Variants in CDKL5 observed in about 807,000 individuals in gnomAD.
CDKL5 encodes the protein cyclin-dependent kinase-like 5.
A neutral mutation model predicts 61.7 loss-of-function variants in CDKL5; 8 were observed. That is an observed-to-expected ratio of 0.13 (90% CI 0.08 to 0.23). CDKL5 has a LOEUF of 0.23. Among genes scored for constraint, CDKL5 ranks in the 10% least tolerant of loss-of-function variants. CDKL5 has a pLI of 1.00. For synonymous variants in CDKL5, 275 were observed against 272.3 expected (o/e 1.01, Z -0.10); for missense variants, 440 against 734.5 (o/e 0.60, Z 4.63).
rs967408113 is a variant in CDKL5, at chrX:18,621,397, T to G, written c.2376+1431T>G. Reference sequence around the variant, plus strand: ...TAAATTTATGTATTTCCTTATAAAATAAATATGAGTTCATTATAGAAAATT... The same window carrying G: ...TAAATTTATGTATTTCCTTATAAAAGAAATATGAGTTCATTATAGAAAATT... On this transcript the variant is annotated intron_variant, in intron 16 of 17. Coordinates refer to ENST00000623535, the MANE Select transcript of CDKL5 (RefSeq NM_001323289.2). Among the ~76,000 whole-genome samples the G allele has an allele frequency of 5.4e-5, 6 of 112,083 alleles. No homozygotes were observed. The East Asian group carries it at 1.7e-3, about 31-fold the overall frequency.
intron 21 of CDKL5, chrX:18,653,353 G>C: frequency 1.7e-6 from 2 of 1,176,283 alleles, no homozygotes; most frequent in South Asian, 1.9e-5. Flanking sequence ...TCCGTGGGGG[G>C]CCCGGGCATT....
At chrX:18,505,727 T>C (rs1922555460) in intron 1 of CDKL5, among the ~76,000 whole-genome samples, 1 of 112,580 alleles carries the variant, frequency 8.9e-6, no homozygotes, top group South Asian at 3.7e-4. Context: ...TGTCCCCTTA[T>C]TGATGACGTT....
chrX:18,437,171 A>G (rs1325484608), intron 1 of CDKL5, among the ~76,000 whole-genome samples: 1 of 111,636 alleles, frequency 9.0e-6, no homozygotes, highest in Non-Finnish European at 1.9e-5. Flanking sequence ...TAATCTCTGC[A>G]AAGTAAAATA....
At chrX:18,480,386 A>G (rs1413966931) in intron 1 of CDKL5, among the ~76,000 whole-genome samples, 4 of 112,024 alleles carry the variant, frequency 3.6e-5, no homozygotes, top group Admixed American at 1.9e-4. Context: ...TATCAAAGGG[A>G]CATACTATCA....
intron 1 of CDKL5, among the ~76,000 whole-genome samples, chrX:18,465,765 A>T (rs745760045): frequency 2.7e-5 from 3 of 112,217 alleles, no homozygotes; most frequent in Non-Finnish European, 5.6e-5. Context: ...ATCAATTTGG[A>T]TAGAATTGAC....
intron 3 of CDKL5, among the ~76,000 whole-genome samples, chrX:18,542,489 TTGTC>T (rs1924058663): frequency 9.0e-6 from 1 of 111,371 alleles, no homozygotes; most frequent in African/African-American, 3.3e-5. Context: ...TTGGGGCTCT[TTGTC>T]TGTGCCCATG....
intron 3 of CDKL5, among the ~76,000 whole-genome samples, chrX:18,553,605 G>A (rs1466207228): frequency 1.8e-5 from 2 of 110,368 alleles, no homozygotes; most frequent in African/African-American, 3.3e-5. Flanking sequence ...CGATTCTCAC[G>A]TCTCAGCCTC....
chrX:18,574,008 C>T (rs77303697), intron 4 of CDKL5, among the ~76,000 whole-genome samples: 1 of 111,287 alleles, frequency 9.0e-6, no homozygotes, highest in Admixed American at 9.6e-5. Context: ...TTTCCTCCTG[C>T]GTGCCTTGGT....
chrX:18,604,642 TGCCGGA>T lies in CDKL5; in HGVS notation c.1721_1726del (p.Pro574_Glu575del). 8.2e-7 allele frequency: 1 copy of T among 1,212,194 alleles called. No homozygotes were observed. Among genetic ancestry groups the T allele is most frequent in the Non-Finnish European group, 1.1e-6 (1 of 895,533 alleles). On this transcript the variant is annotated inframe_deletion, in exon 12 of 18. Coordinates refer to ENST00000623535, the MANE Select transcript of CDKL5 (RefSeq NM_001323289.2). ...TCTAAGACGATGGAGGAATTGAAGCTGCCGGAGCACATGGACAGTAGCCATTCCCAT... is the reference window on the plus strand; with the variant it reads ...TCTAAGACGATGGAGGAATTGAAGCTGCACATGGACAGTAGCCATTCCCAT...
chrX:18,610,718 TA>T (rs1926521742), intron 14 of CDKL5, among the ~76,000 whole-genome samples: 1 of 112,797 alleles, frequency 8.9e-6, no homozygotes, highest in African/African-American at 3.2e-5. Flanking sequence ...TCCCTTTTAG[TA>T]ACTATGCAGT....
chrX:18,608,554 T>G (rs1926437881), intron 12 of CDKL5, among the ~76,000 whole-genome samples: 1 of 111,548 alleles, frequency 9.0e-6, no homozygotes, highest in Non-Finnish European at 1.9e-5. Context: ...TTTTTAATAA[T>G]TAATTGAACT....
At chrX:18,469,338 CAAAAAAAAA>C (rs34096001) in intron 1 of CDKL5, among the ~76,000 whole-genome samples, 6 of 15,662 alleles carry the variant, frequency 3.8e-4, no homozygotes, top group African/African-American at 1.7e-3. Flanking sequence ...GACTCTGTCT[CAAAAAAAAA>C]AAAAAAAAAA....
At chrX:18,565,690 G>GTAGTA (rs1487246848) in intron 4 of CDKL5, among the ~76,000 whole-genome samples, 7 of 112,387 alleles carry the variant, frequency 6.2e-5, no homozygotes, top group Non-Finnish European at 1.3e-4. Flanking sequence ...CAGGATAGAT[G>GTAGTA]TAGTAGTATT....
At chrX:18,477,723 G>C (rs1254437991) in intron 1 of CDKL5, among the ~76,000 whole-genome samples, 1 of 111,009 alleles carries the variant, frequency 9.0e-6, no homozygotes, top group African/African-American at 3.3e-5. Context: ...CTTCCATGTA[G>C]CTCTATTCTC....
In CDKL5 at chrX:18,637,452, C is replaced by T. The variant is rs1317260910; in HGVS notation, c.*8695C>T. ...TGGTGAATGTCTATAATCCCAGCCA[C>T]TCGGGAGGCTGAGGCAGGAGAATCA... On this transcript the variant is annotated 3_prime_UTR_variant, in exon 18 of 18. Transcript: ENST00000623535. The T allele has an allele frequency of 9.2e-6, 1 of 108,981 alleles. No individual in the cohort carries two copies. The highest frequency in any genetic ancestry group is 3.4e-5 in the African/African-American group (1 of 29,813). The allele number at this position is 108,981 out of a possible 1,213,427, so 9.0% of individuals were successfully genotyped here. A position where few individuals can be genotyped will look rare whatever the true frequency, so the allele number is the denominator to read the frequency against.
At chrX:18,574,998 TGTTATA>T (rs1207581597) in intron 4 of CDKL5, among the ~76,000 whole-genome samples, 1 of 111,410 alleles carries the variant, frequency 9.0e-6, no homozygotes, top group Non-Finnish European at 1.9e-5. Context: ...TTGTATAGAG[TGTTATA>T]GTTCAGATGA....
chrX:18,601,131 A>G (rs930172842), intron 11 of CDKL5, among the ~76,000 whole-genome samples: 4 of 111,707 alleles, frequency 3.6e-5, no homozygotes, highest in African/African-American at 1.3e-4. Context: ...TGGAGACACA[A>G]ACATGCTGTT....
At chrX:18,622,612 G>A (rs1926921241) in intron 16 of CDKL5, among the ~76,000 whole-genome samples, 1 of 112,441 alleles carries the variant, frequency 8.9e-6, no homozygotes, top group South Asian at 3.6e-4. Flanking sequence ...AAAATCTGAT[G>A]CCCAGTGTAC....
At chrX:18,600,961 C>T (rs1926157586) in intron 11 of CDKL5, among the ~76,000 whole-genome samples, 2 of 111,730 alleles carry the variant, frequency 1.8e-5, no homozygotes, top group Non-Finnish European at 3.8e-5. Flanking sequence ...GGTCTATGGT[C>T]CATACTTATT....
Sources: allele counts gnomAD v4.1 joint callset (sites outside exome capture counted in the v4.1 genomes callset), GRCh38; gene constraint gnomAD v4.1.1; transcripts MANE v1.5; gene names NCBI Gene and HGNC (gene_info 2026-07-23, HGNC 2026-07-21).